Variants in LMNB2 observed in about 807,000 individuals in gnomAD.
LMNB2 encodes lamin-B2.
A neutral mutation model predicts 69.3 loss-of-function variants in LMNB2; 17 were observed. The ratio of observed to expected loss-of-function variants is 0.25; its 90% confidence interval spans 0.17 to 0.37. The LOEUF (loss-of-function observed/expected upper bound fraction) is 0.37, where lower values mean the gene tolerates loss of function less well. LMNB2 is among the 10% of genes least tolerant of loss of function. The probability of loss-of-function intolerance (pLI) is 1.00; values close to 1 mark genes in which losing one functional copy is unlikely to be tolerated. For missense variants in LMNB2, 789 were observed against 883.6 expected (o/e 0.89, Z 1.36); for synonymous variants, 397 against 389.3 (o/e 1.02, Z -0.23).
intron 6 of LMNB2, 118 bp from the exon 7 acceptor site, chr19:2,434,633 C>T: frequency 6.7e-7 from 1 of 1,499,298 alleles, no homozygotes; most frequent in Non-Finnish European, 9.0e-7. Flanking sequence ...CAGGCCTGGG[C>T]ATGGGGCGCA....
In LMNB2 at chr19:2,447,807, C is replaced by G. The variant is rs1971973989; in HGVS notation, c.265-3267G>C. ...GACGCACCCCTTGGCAGTGACCGGG[C>G]CTCTTCTGAGGTGGGACCCTCAGCC... On this transcript the variant is annotated intron_variant, in intron 1 of 11. Coordinates refer to ENST00000325327, the MANE Select transcript of LMNB2 (RefSeq NM_032737.4). The surrounding 1 kb of genome is among the most constrained non-coding windows in gnomAD (Gnocchi z 4.4). 6.6e-6 allele frequency among the ~76,000 whole-genome samples: 1 copy of G among 152,148 alleles called. No individual in the cohort carries two copies.
At chr19:2,440,977 C>A (rs184880340) in intron 2 of LMNB2, among the ~76,000 whole-genome samples, 1 of 152,356 alleles carries the variant, frequency 6.6e-6, no homozygotes, top group African/African-American at 2.4e-5. Context: ...TGCCTAGGAT[C>A]CGTAATAAAT....
chr19:2,431,010 G>C (rs1971732845), intron 11 of LMNB2, 58 bp from the exon 12 acceptor site: 1 of 1,128,474 alleles, frequency 8.9e-7, no homozygotes, highest in Non-Finnish European at 1.4e-6. Context: ...GAGGCAGCCG[G>C]CAGGTAGATG....
intron 2 of LMNB2, among the ~76,000 whole-genome samples, chr19:2,441,918 G>A (rs1350327085): frequency 1.3e-5 from 2 of 152,218 alleles, no homozygotes; most frequent in African/African-American, 4.8e-5. Context: ...AGCGGAGATC[G>A]GGGAATCCGG....
chr19:2,431,917 A>G lies in LMNB2; in HGVS notation c.1591-15T>C. 6.2e-7 allele frequency: 1 copy of G among 1,607,004 alleles called. No homozygotes were observed. Among genetic ancestry groups the G allele is most frequent in the South Asian group, 1.1e-5 (1 of 90,836 alleles). ...GCTGCCCACACCTGAGGACCCAATA[A>G]CAATGGCCCCATCAGGGTCACCTCT... On this transcript the variant is annotated splice_polypyrimidine_tract_variant and intron_variant, in intron 9 of 11. Coordinates refer to ENST00000325327, the MANE Select transcript of LMNB2 (RefSeq NM_032737.4).
chr19:2,456,637 AC>A, intron 1 of LMNB2, 32 bp downstream of exon 1: 2 of 1,443,990 alleles, frequency 1.4e-6, no homozygotes, highest in South Asian at 1.3e-5. Flanking sequence ...TGCCGGCTGC[AC>A]CCCCGCCCGG....
Position 2,430,759 on chromosome 19 carries a change from G to C in LMNB2, c.*152C>G, listed in dbSNP as rs941116778. Reference sequence around the variant, plus strand: ...AAGTGAGGCTGGAGGAGACCCGCCAGGAGGGAGGGCTGGGGGAGACCCACC... The same window carrying C: ...AAGTGAGGCTGGAGGAGACCCGCCACGAGGGAGGGCTGGGGGAGACCCACC... On this transcript the variant is annotated 3_prime_UTR_variant, in exon 12 of 12. Coordinates refer to ENST00000325327, the MANE Select transcript of LMNB2 (RefSeq NM_032737.4). 16 of 721,904 alleles carry C rather than the reference G, an allele frequency of 2.2e-5. No individual in the cohort carries two copies. Among genetic ancestry groups the C allele is most frequent in the Middle Eastern group, 2.6e-4 (1 of 3,820 alleles). The allele number at this position is 721,904 out of a possible 1,614,324, so 44.7% of individuals were successfully genotyped here.
chr19:2,432,088 C>T lies in LMNB2; in HGVS notation c.1591-186G>A, dbSNP rs1000021148. On this transcript the variant is annotated intron_variant, in intron 9 of 11. Transcript: ENST00000325327. ...AGAAGAGACCAGGGTTCACAGAGGC[C>T]AAGGGCTCTTGGCAAGCAGGGGCTG... is the stretch of plus-strand genomic sequence containing the variant. Among the ~76,000 whole-genome samples, 22 of 152,138 alleles carry T rather than the reference C, an allele frequency of 1.4e-4. 1 individual carries two copies. Among genetic ancestry groups the T allele is most frequent in the Non-Finnish European group, 2.9e-5 (2 of 68,020 alleles).
rs550000714 is a variant in LMNB2 at position 2,433,876 on chromosome 19, C to T, written c.1432G>A (p.Glu478Lys). 1 of 1,613,326 alleles carries T rather than the reference C, an allele frequency of 6.2e-7. No individual in the cohort carries two copies. Among genetic ancestry groups the T allele is most frequent in the Non-Finnish European group, 8.5e-7 (1 of 1,179,874 alleles). Residue 478 changes from glutamate to lysine, a missense_variant, in exon 8 of 12, where the codon GAG (glutamate) becomes AAG (lysine). This residue lies in a region of LMNB2 where 609 missense variants were observed against 630.9 expected (regional missense o/e 0.97). Transcript: ENST00000325327. ...ACAAACTTGCCCTCCAGGTCGATCT[C>T]CTCGATGCTGACGCTACCCGAGGCC... ...ASASGSVSIE[E>K]IDLEGKFVQL...
At chr19:2,433,693 A>G (rs1971777867) in intron 8 of LMNB2, 133 bp downstream of exon 8, 1 of 1,048,874 alleles carries the variant, frequency 9.5e-7, no homozygotes, top group African/African-American at 2.5e-5. Flanking sequence ...TCACCCCGTT[A>G]CCCCCATGCC....
At chr19:2,438,671 G>A (rs968759447) in intron 2 of LMNB2, 140 bp from the exon 3 acceptor site, 40 of 982,702 alleles carry the variant, frequency 4.1e-5, no homozygotes, top group Admixed American at 3.7e-4. Flanking sequence ...TGCAGACGAC[G>A]CGGCCCCACG....
At chr19:2,434,681 G>A (rs1415341693) in intron 6 of LMNB2, 107 bp downstream of exon 6, 3 of 1,514,832 alleles carry the variant, frequency 2.0e-6, no homozygotes, top group Non-Finnish European at 1.8e-6. Context: ...GGCGCCCCGA[G>A]GGCTGCATCC....
chr19:2,433,736 G>A (rs1420024412), intron 8 of LMNB2, 90 bp downstream of exon 8: 30 of 1,460,440 alleles, frequency 2.1e-5, no homozygotes, highest in Admixed American at 1.1e-4. Context: ...CCCCTGCCTC[G>A]CATTGGCCGG....
Position 2,447,003 on chromosome 19 carries a change from G to A in LMNB2, c.265-2463C>T, listed in dbSNP as rs377038913. 3.3e-5 allele frequency among the ~76,000 whole-genome samples: 5 copies of A among 151,880 alleles called. No individual in the cohort carries two copies. Among genetic ancestry groups the A allele is most frequent in the Admixed American group, 2.6e-4 (4 of 15,226 alleles). ...AAAAAACATACAAAAAATTAGCCAG[G>A]CGTGGTGGTGGGCGCCTGTGGTCCC... On this transcript the variant is annotated intron_variant, in intron 1 of 11. Coordinates refer to ENST00000325327, the MANE Select transcript of LMNB2 (RefSeq NM_032737.4). The surrounding 1 kb of genome is among the most constrained non-coding windows in gnomAD (Gnocchi z 4.4).
At position 2,453,894 on chromosome 19, in the gene LMNB2, G is replaced by A. The variant is rs1158479032; in HGVS notation, c.264+2776C>T. Reference sequence around the variant, plus strand: ...AACCAGCTCTAACCCTGCACGCCACGGGTCCAGCAGGCGGCCTCTAAGTTG... The same window carrying A: ...AACCAGCTCTAACCCTGCACGCCACAGGTCCAGCAGGCGGCCTCTAAGTTG... On this transcript the variant is annotated intron_variant, in intron 1 of 11. Transcript: ENST00000325327. The surrounding 1 kb of genome is among the most constrained non-coding windows in gnomAD (Gnocchi z 4.4). Among the ~76,000 whole-genome samples the A allele has an allele frequency of 6.6e-6, 1 of 152,156 alleles. No individual in the cohort carries two copies. Among genetic ancestry groups the A allele is most frequent in the East Asian group, 1.9e-4 (1 of 5,200 alleles).
Position 2,431,586 on chromosome 19 carries a change from C to T in LMNB2, c.1783G>A (p.Glu595Lys). Residue 595 changes from glutamate (E) to lysine (K), a missense_variant, in exon 11 of 12, where the codon GAA becomes AAA. By Grantham distance (56) the Glu-to-Lys change is moderately conservative. Coordinates refer to ENST00000325327, the MANE Select transcript of LMNB2 (RefSeq NM_032737.4). ...ENENGEEEEE[E>K]AEFGEEDLFH... Reference sequence around the variant, plus strand: ...AGATCCTCCTCGCCAAACTCGGCTTCCTCCTCCTCTTCCTCCCCATTCTCA... The same window carrying T: ...AGATCCTCCTCGCCAAACTCGGCTTTCTCCTCCTCTTCCTCCCCATTCTCA... 1 of 1,614,080 alleles carries T rather than the reference C, an allele frequency of 6.2e-7. No homozygotes were observed. The highest frequency in any genetic ancestry group is 8.5e-7 in the Non-Finnish European group (1 of 1,179,940).
At chr19:2,450,293 G>A (rs1340905538) in intron 1 of LMNB2, among the ~76,000 whole-genome samples, 1 of 152,072 alleles carries the variant, frequency 6.6e-6, no homozygotes, top group Non-Finnish European at 1.5e-5. Context: ...TCAGCCTGGA[G>A]GAGCCTGGGA....
intron 6 of LMNB2, 115 bp downstream of exon 6, chr19:2,434,673 C>T (rs980129901): frequency 1.8e-4 from 272 of 1,503,658 alleles, no homozygotes; most frequent in Middle Eastern, 2.3e-4. Flanking sequence ...CATCGCTGGG[C>T]GCCCCGAGGG....
At position 2,434,081 on chromosome 19, in the gene LMNB2, G is replaced by A; in HGVS notation, c.1227C>T (p.Ser409=). 1.3e-6 allele frequency: 2 copies of A among 1,592,562 alleles called. No homozygotes were observed. Among genetic ancestry groups the A allele is most frequent in the Non-Finnish European group, 1.7e-6 (2 of 1,171,434 alleles). The change falls in exon 8 of 12, where the codon TCC becomes TCT. Residue 409 remains serine, a synonymous_variant. Coordinates refer to ENST00000325327, the MANE Select transcript of LMNB2 (RefSeq NM_032737.4). ...TGGCTCGTGAGACGGTGACGCGCGA[G>A]GATGGGCTGGGGGACAGCTTCAGCC... The part of the protein sequence containing the change: ...EERLKLSPSP[S]SRVTVSRATS...
Sources: gnomAD v4.1 joint callset for allele counts (sites outside exome capture counted in the v4.1 genomes callset) on GRCh38, gnomAD v4.1.1 for gene constraint, gnomAD v4.1.1 regional missense constraint, Gnocchi (gnomAD v3.1) non-coding constraint, MANE v1.5 for transcripts, NCBI Gene and HGNC (gene_info 2026-07-23, HGNC 2026-07-21) for gene names.